Variants in PDE11A observed in about 807,000 individuals in gnomAD.
PDE11A encodes phosphodiesterase 11A, also known as dual 3',5'-cyclic-AMP and -GMP phosphodiesterase 11A.
A neutral mutation model predicts 100.5 loss-of-function variants in PDE11A; 100 were observed. The observed-to-expected ratio is 1.00, with a 90% CI of 0.85 to 1.18. The LOEUF (loss-of-function observed/expected upper bound fraction) is 1.18. PDE11A is among the 50% of genes most tolerant of loss of function. PDE11A has a pLI of 0.00. For missense variants in PDE11A, 1,141 were observed against 1,152.6 expected (o/e 0.99, Z 0.15); for synonymous variants, 381 against 420.8 (o/e 0.91, Z 1.16).
chr2:177,872,073 A>G (rs961801581), intron 5 of PDE11A, among the ~76,000 whole-genome samples: 1 of 152,134 alleles, frequency 6.6e-6, no homozygotes, highest in Non-Finnish European at 1.5e-5. Flanking sequence ...CACTCCCACC[A>G]CTGTTCATTG....
At chr2:177,985,582 C>A (rs888160672) in intron 2 of PDE11A, among the ~76,000 whole-genome samples, 2 of 152,166 alleles carry the variant, frequency 1.3e-5, no homozygotes, top group Admixed American at 1.3e-4. Flanking sequence ...TAGAGAAATT[C>A]ATTAATTCTT....
intron 6 of PDE11A, among the ~76,000 whole-genome samples, chr2:177,831,525 T>C (rs1219022618): frequency 6.6e-6 from 1 of 152,214 alleles, no homozygotes; most frequent in Non-Finnish European, 1.5e-5. Flanking sequence ...ACTGGTGTCA[T>C]GAATTCCCAA....
intron 5 of PDE11A, among the ~76,000 whole-genome samples, chr2:177,874,405 T>C (rs1574240279): frequency 6.6e-6 from 1 of 152,248 alleles, no homozygotes; most frequent in East Asian, 1.9e-4. Context: ...ATCATCATCA[T>C]ACTGCCCTGA....
At chr2:178,044,257 C>T (rs1417707144) in intron 1 of PDE11A, among the ~76,000 whole-genome samples, 1 of 147,992 alleles carries the variant, frequency 6.8e-6, no homozygotes, top group African/African-American at 2.5e-5. Context: ...ATATTTTTTC[C>T]AGTAATAGGC....
At chr2:177,908,329 G>A (rs371970154) in intron 2 of PDE11A, among the ~76,000 whole-genome samples, 13 of 152,272 alleles carry the variant, frequency 8.5e-5, no homozygotes, top group African/African-American at 3.1e-4. Flanking sequence ...CCATTCTCAG[G>A]GGGCAATTTG....
At chr2:178,092,215 T>C (rs1394538129) in intron 2 of PDE11A, among the ~76,000 whole-genome samples, 1 of 152,200 alleles carries the variant, frequency 6.6e-6, no homozygotes, top group Admixed American at 6.6e-5. Context: ...CAGTAGTTGT[T>C]AGACTTACAA....
At chr2:178,039,952 G>A (rs1416961230) in intron 1 of PDE11A, among the ~76,000 whole-genome samples, 5 of 151,790 alleles carry the variant, frequency 3.3e-5, no homozygotes, top group Admixed American at 6.6e-5. Flanking sequence ...CATGGGGAGG[G>A]AAACAAGGGG....
chr2:177,731,233 A>G (rs2081684152), intron 10 of PDE11A, among the ~76,000 whole-genome samples: 1 of 152,196 alleles, frequency 6.6e-6, no homozygotes, highest in African/African-American at 2.4e-5. Flanking sequence ...ATTTTAATAC[A>G]TTAGAGGCTT....
chr2:177,845,841 C>T (rs2083588049), intron 5 of PDE11A, among the ~76,000 whole-genome samples: 1 of 152,186 alleles, frequency 6.6e-6, no homozygotes, highest in Non-Finnish European at 1.5e-5. Flanking sequence ...CCGGCCTGGC[C>T]AACACAGCGA....
intron 2 of PDE11A, among the ~76,000 whole-genome samples, chr2:178,084,844 T>C (rs1232288863): frequency 6.6e-6 from 1 of 152,050 alleles, no homozygotes; most frequent in East Asian, 1.9e-4. Context: ...TCAGGGAAAG[T>C]ATACCTTCTC....
intron 6 of PDE11A, 128 bp downstream of exon 6, chr2:177,840,123 T>A (rs1399664143): frequency 2.2e-6 from 2 of 926,364 alleles, no homozygotes; most frequent in Non-Finnish European, 3.4e-6. Context: ...CAGTAGGCAA[T>A]GCTAAAAATA....
intron 10 of PDE11A, among the ~76,000 whole-genome samples, chr2:177,744,863 T>C (rs1020970453): frequency 7.9e-5 from 12 of 152,224 alleles, no homozygotes; most frequent in Admixed American, 6.5e-4. Flanking sequence ...TTGCTAGCTC[T>C]CTTGTTTTAT....
At chr2:177,811,645 A>G (rs2082950648) in intron 9 of PDE11A, among the ~76,000 whole-genome samples, 2 of 152,012 alleles carry the variant, frequency 1.3e-5, no homozygotes, top group African/African-American at 4.8e-5. Flanking sequence ...CAGGGAAAGG[A>G]CTGCCTTGCA....
At chr2:178,037,340 A>C (rs1431204214) in intron 1 of PDE11A, among the ~76,000 whole-genome samples, 1 of 152,256 alleles carries the variant, frequency 6.6e-6, no homozygotes, top group Non-Finnish European at 1.5e-5. Context: ...CATGCCAGTT[A>C]GAATAGTGAC....
intron 19 of PDE11A, among the ~76,000 whole-genome samples, chr2:177,631,396 G>A (rs186845777): frequency 0.03 from 4,085 of 136,248 alleles, 221 homozygotes; most frequent in African/African-American, 0.11. Context: ...CAGGAGAATC[G>A]CTTGAACCCA....
chr2:177,775,174 G>A (rs2082361798), intron 9 of PDE11A, among the ~76,000 whole-genome samples: 1 of 152,190 alleles, frequency 6.6e-6, no homozygotes, highest in Admixed American at 6.5e-5. Flanking sequence ...TGCCCAGTAA[G>A]ACCCATTTCA....
chr2:177,940,812 C>T (rs1237367759), intron 2 of PDE11A, among the ~76,000 whole-genome samples: 1 of 152,156 alleles, frequency 6.6e-6, no homozygotes, highest in Admixed American at 6.5e-5. Flanking sequence ...CTTAGTAGGA[C>T]ATCGTTTACC....
intron 17 of PDE11A, among the ~76,000 whole-genome samples, chr2:177,673,863 C>T (rs553759937): frequency 6.6e-6 from 1 of 152,110 alleles, no homozygotes; most frequent in Admixed American, 6.6e-5. Context: ...TTGCGGGAAG[C>T]ATTTAATTGC....
At chr2:178,084,528 C>T (rs979955589) in intron 2 of PDE11A, among the ~76,000 whole-genome samples, 5 of 152,128 alleles carry the variant, frequency 3.3e-5, no homozygotes, top group South Asian at 2.1e-4. Context: ...CTGATGGTTT[C>T]GCAAGCCAGA....
Sources: gnomAD v4.1 joint callset for allele counts (sites outside exome capture counted in the v4.1 genomes callset) on GRCh38, gnomAD v4.1.1 for gene constraint, MANE v1.5 for transcripts, NCBI Gene and HGNC (gene_info 2026-07-23, HGNC 2026-07-21) for gene names.